Variants in EPHA5 observed in about 807,000 individuals in gnomAD.
EPHA5 encodes the protein ephrin type-A receptor 5.
A neutral mutation model predicts 105.0 loss-of-function variants in EPHA5; 60 were observed. The observed-to-expected ratio is 0.57, with a 90% CI of 0.46 to 0.71. The LOEUF (loss-of-function observed/expected upper bound fraction) is 0.71, where lower values mean the gene tolerates loss of function less well. Ranked by LOEUF, EPHA5 falls within the 30% of genes least tolerant of loss-of-function variation. EPHA5 has a pLI of 0.00. For synonymous variants in EPHA5, 513 were observed against 449.1 expected (o/e 1.14, Z -1.80); for missense variants, 1,218 against 1,274.7 (o/e 0.96, Z 0.68).
intron 3 of EPHA5, among the ~76,000 whole-genome samples, chr4:65,584,287 G>T (rs1741913560): frequency 6.6e-6 from 1 of 151,780 alleles, no homozygotes; most frequent in Non-Finnish European, 1.5e-5. Flanking sequence ...CAGTAATATT[G>T]ATGTCTGAGA....
At chr4:65,424,606 A>G (rs564904253) in intron 5 of EPHA5, among the ~76,000 whole-genome samples, 16 of 152,022 alleles carry the variant, frequency 1.1e-4, no homozygotes, top group Non-Finnish European at 1.9e-4. Flanking sequence ...TTCAATGATG[A>G]ATTTTCCACA....
intron 12 of EPHA5, among the ~76,000 whole-genome samples, chr4:65,352,595 G>A (rs1340876004): frequency 2.6e-5 from 4 of 152,020 alleles, no homozygotes; most frequent in East Asian, 1.9e-4. Context: ...AGGTAGATTA[G>A]GAGCACTTAT....
intron 8 of EPHA5, among the ~76,000 whole-genome samples, chr4:65,383,581 A>G (rs992175291): frequency 6.6e-6 from 1 of 151,920 alleles, no homozygotes; most frequent in African/African-American, 2.4e-5. Context: ...ACTATTGTGG[A>G]GTTCCCTCTG....
intron 3 of EPHA5, among the ~76,000 whole-genome samples, chr4:65,565,211 C>T (rs1739411064): frequency 6.6e-6 from 1 of 151,592 alleles, no homozygotes; most frequent in Non-Finnish European, 1.5e-5. Context: ...AGATTCAAGG[C>T]CAATGGTGAC....
At chr4:65,351,834 T>G (rs749713871) in intron 12 of EPHA5, among the ~76,000 whole-genome samples, 5 of 152,056 alleles carry the variant, frequency 3.3e-5, no homozygotes, top group Non-Finnish European at 7.4e-5. Flanking sequence ...AAAAATCTTA[T>G]GTAGTTGCCT....
At chr4:65,525,397 C>A (rs1735135002) in intron 3 of EPHA5, among the ~76,000 whole-genome samples, 1 of 151,706 alleles carries the variant, frequency 6.6e-6, no homozygotes. Flanking sequence ...TATCATGAAT[C>A]TAATATATAG....
intron 3 of EPHA5, among the ~76,000 whole-genome samples, chr4:65,507,417 G>A (rs1238675166): frequency 6.6e-6 from 1 of 152,166 alleles, no homozygotes; most frequent in African/African-American, 2.4e-5. Flanking sequence ...GCCATTGGTA[G>A]CTTAATGGGG....
At chr4:65,376,720 G>C (rs1719041513) in intron 8 of EPHA5, among the ~76,000 whole-genome samples, 1 of 151,964 alleles carries the variant, frequency 6.6e-6, no homozygotes, top group South Asian at 2.1e-4. Flanking sequence ...ACATGTTAAA[G>C]TTAGAACATA....
chr4:65,338,563 T>C (rs1721403792), intron 14 of EPHA5, among the ~76,000 whole-genome samples: 1 of 152,100 alleles, frequency 6.6e-6, no homozygotes, highest in African/African-American at 2.4e-5. Flanking sequence ...GTGAAGATAT[T>C]TCTAGAATTT....
intron 5 of EPHA5, among the ~76,000 whole-genome samples, chr4:65,465,549 AG>A (rs781124250): frequency 0.075 from 5,734 of 76,960 alleles, 187 homozygotes; most frequent in Admixed American, 0.12. Flanking sequence ...AAGGAAGGAA[AG>A]GAAGGAAAGG....
chr4:65,569,363 G>C (rs979001441), intron 3 of EPHA5, among the ~76,000 whole-genome samples: 2 of 151,502 alleles, frequency 1.3e-5, no homozygotes, highest in African/African-American at 4.8e-5. Context: ...TTAAACTTAA[G>C]AGGAAAAAAT....
chr4:65,638,832 C>G (rs186825313), intron 2 of EPHA5, among the ~76,000 whole-genome samples: 1 of 152,178 alleles, frequency 6.6e-6, no homozygotes, highest in Non-Finnish European at 1.5e-5. Flanking sequence ...GGACCCTCCT[C>G]TTACCCAAGT....
intron 7 of EPHA5, among the ~76,000 whole-genome samples, chr4:65,413,812 C>T (rs1723137173): frequency 6.6e-6 from 1 of 152,142 alleles, no homozygotes; most frequent in Admixed American, 6.6e-5. Flanking sequence ...AGATTCTCCA[C>T]TTAAAGACAG....
At chr4:65,549,966 A>T (rs1737740651) in intron 3 of EPHA5, among the ~76,000 whole-genome samples, 1 of 152,114 alleles carries the variant, frequency 6.6e-6, no homozygotes, top group Non-Finnish European at 1.5e-5. Flanking sequence ...TATAAAACTA[A>T]ATATATTGCA....
At chr4:65,657,365 T>C (rs1410623699) in intron 1 of EPHA5, among the ~76,000 whole-genome samples, 1 of 152,280 alleles carries the variant, frequency 6.6e-6, no homozygotes, top group Non-Finnish European at 1.5e-5. Flanking sequence ...GTGATATGAA[T>C]TCTGAGAATT....
intron 5 of EPHA5, among the ~76,000 whole-genome samples, chr4:65,473,647 T>A (rs1171947856): frequency 6.6e-6 from 1 of 152,078 alleles, no homozygotes; most frequent in Non-Finnish European, 1.5e-5. Context: ...TCCCACCTGG[T>A]CTCTCCCTTG....
At chr4:65,455,049 T>TCCTGGCTAAAAC (rs1378291764) in intron 5 of EPHA5, among the ~76,000 whole-genome samples, 1 of 151,812 alleles carries the variant, frequency 6.6e-6, no homozygotes, top group Non-Finnish European at 1.5e-5. Flanking sequence ...ATCGAGACCA[T>TCCTGGCTAAAAC]GGTGAAACCC....
chr4:65,336,584 T>G (rs937299502), intron 14 of EPHA5, among the ~76,000 whole-genome samples: 22 of 152,098 alleles, frequency 1.4e-4, no homozygotes, highest in Admixed American at 3.3e-4. Flanking sequence ...CAAAAGAGAC[T>G]TTTCGATGGT....
At position 65,319,964 on chromosome 4, in the gene EPHA5, T is replaced by G; in HGVS notation, c.*4150A>C. ...ATACAGTTCCCAGCCTGAATAAACA[T>G]GACATTTTACCACCTTCAATTTTCT... On this transcript the variant is annotated 3_prime_UTR_variant, in exon 17 of 17. Coordinates refer to ENST00000613740, the MANE Select transcript of EPHA5 (RefSeq NM_001281766.3). 1 of 230,148 alleles carries G rather than the reference T, an allele frequency of 4.3e-6. No individual in the cohort carries two copies. The highest frequency in any genetic ancestry group is 8.6e-6 in the Non-Finnish European group (1 of 116,052). The allele number at this position is 230,148 out of a possible 1,614,324, so 14.3% of individuals were successfully genotyped here.
Sources: gnomAD v4.1 joint callset for allele counts (sites outside exome capture counted in the v4.1 genomes callset) on GRCh38, gnomAD v4.1.1 for gene constraint, MANE v1.5 for transcripts, NCBI Gene and HGNC (gene_info 2026-07-23, HGNC 2026-07-21) for gene names.